The following SMG6 variants were observed in gnomAD, a reference collection of about 807,000 sequenced individuals.
The protein encoded by SMG6 is telomerase-binding protein EST1A.
Under a neutral mutation model 142.2 loss-of-function variants are expected in SMG6, and 66 were observed. The ratio of observed to expected loss-of-function variants is 0.46; its 90% CI spans 0.38 to 0.57. The LOEUF (loss-of-function observed/expected upper bound fraction) is 0.57, where lower values mean the gene tolerates loss of function less well. Ranked by LOEUF, SMG6 falls within the 20% of genes least tolerant of loss-of-function variation. The pLI is 0.00. For missense variants in SMG6, 1,793 were observed against 1,832.0 expected (o/e 0.98, Z 0.39); for synonymous variants, 779 against 702.4 (o/e 1.11, Z -1.72).
Position 2,291,075 on chromosome 17 carries a change from T to C in SMG6, c.2337+1477A>G, listed in dbSNP as rs550052665. On this transcript the variant is annotated intron_variant, in intron 6 of 18. Transcript: ENST00000263073. The stretch of plus-strand genomic sequence containing the variant: ...GGCCAGGTGCGGTGGCTCACGCCTG[T>C]AATCCCAGCACTTTGGGAGGCCGAG... Among the ~76,000 whole-genome samples, 432 of 152,312 alleles carry C rather than the reference T, an allele frequency of 2.8e-3. 4 individuals carry two copies. Among genetic ancestry groups the C allele is most frequent in the African/African-American group, 9.7e-3 (405 of 41,576 alleles).
intron 8 of SMG6, among the ~76,000 whole-genome samples, chr17:2,279,473 A>G (rs2074735366): frequency 6.6e-6 from 1 of 152,218 alleles, no homozygotes; most frequent in Non-Finnish European, 1.5e-5. Context: ...TCAGAAATGG[A>G]TATTTGGAAG....
chr17:2,108,345 A>G (rs1477637152), intron 13 of SMG6, among the ~76,000 whole-genome samples: 2 of 152,206 alleles, frequency 1.3e-5, no homozygotes, highest in Non-Finnish European at 2.9e-5. Context: ...TGCCAGGCGC[A>G]GTGACTCACG....
In SMG6 at chr17:2,061,239, T is replaced by C; in HGVS notation, c.*253A>G. ...GCCTATCTGGCTTGCCCAGCTGCTG[T>C]TGCTGTAGCCAGCCACCTCCCTGCT... On this transcript the variant is annotated 3_prime_UTR_variant, in exon 19 of 19. Coordinates refer to ENST00000263073, the MANE Select transcript of SMG6 (RefSeq NM_017575.5). The C allele has an allele frequency of 2.3e-6, 1 of 431,100 alleles. No individual in the cohort carries two copies. Among genetic ancestry groups the C allele is most frequent in the Admixed American group, 3.7e-5 (1 of 26,940 alleles). 26.7% of individuals were successfully genotyped at this position (431,100 alleles called of 1,614,324 possible). A position where few individuals can be genotyped will look rare whatever the true frequency, so the allele number is the denominator to read the frequency against.
intron 9 of SMG6, chr17:2,237,010 C>A (rs1375024110): frequency 5.3e-6 from 1 of 188,306 alleles, no homozygotes; most frequent in African/African-American, 2.4e-5. Context: ...TTTCCTGAAA[C>A]CTTCACAGTC....
At chr17:2,269,398 AAAAG>A (rs2074498446) in intron 8 of SMG6, among the ~76,000 whole-genome samples, 3 of 151,908 alleles carry the variant, frequency 2.0e-5, no homozygotes, top group Admixed American at 2.0e-4. Context: ...TCCCAAAAAA[AAAAG>A]AAAGAAAAGA....
intron 13 of SMG6, among the ~76,000 whole-genome samples, chr17:2,096,199 T>G (rs1455791287): frequency 6.6e-6 from 1 of 152,168 alleles, no homozygotes; most frequent in Admixed American, 6.5e-5. Flanking sequence ...ACACCACTTA[T>G]GTCTGGCAAA....
At chr17:2,171,785 A>C (rs2071511234) in intron 13 of SMG6, among the ~76,000 whole-genome samples, 1 of 147,388 alleles carries the variant, frequency 6.8e-6, no homozygotes, top group African/African-American at 2.5e-5. Flanking sequence ...TACTTCATGT[A>C]GGTCAAAAGA....
chr17:2,070,039 G>A (rs1391943391), intron 15 of SMG6, among the ~76,000 whole-genome samples: 3 of 152,184 alleles, frequency 2.0e-5, no homozygotes, highest in Non-Finnish European at 4.4e-5. Context: ...AATAAAAGCA[G>A]AAGAGTCTCC....
At chr17:2,255,352 C>G (rs1298564381) in intron 8 of SMG6, among the ~76,000 whole-genome samples, 4 of 130,804 alleles carry the variant, frequency 3.1e-5, no homozygotes, top group Non-Finnish European at 4.7e-5. Flanking sequence ...TGCAGTGAGC[C>G]GAGATCGCGC....
In SMG6 at chr17:2,126,897, CGCACACACAT is replaced by C. The variant is rs776089139; in HGVS notation, c.3358-41006_3358-40997del. Among the ~76,000 whole-genome samples, 47 of 124,416 alleles carry C rather than the reference CGCACACACAT, an allele frequency of 3.8e-4. No individual in the cohort carries two copies. In the South Asian group the frequency reaches 0.011, roughly 28 times the overall value. The allele number at this position is 124,416 out of a possible 152,430, so 81.6% of individuals were successfully genotyped here. ...GGGAGACCCTATTTCTACACACACACGCACACACATGCACACAGACACAAACATACATGCA... is the reference window on the plus strand; with the variant it reads ...GGGAGACCCTATTTCTACACACACACGCACACAGACACAAACATACATGCA... On this transcript the variant is annotated intron_variant, in intron 13 of 18. Transcript: ENST00000263073.
chr17:2,073,107 G>A (rs781756993), intron 15 of SMG6, among the ~76,000 whole-genome samples: 9 of 152,052 alleles, frequency 5.9e-5, no homozygotes, highest in East Asian at 3.9e-4. Context: ...TGTTTGAGAC[G>A]GAGTCTTGCT....
intron 13 of SMG6, among the ~76,000 whole-genome samples, chr17:2,163,251 A>C (rs2071236564): frequency 6.6e-6 from 1 of 152,056 alleles, no homozygotes; most frequent in Non-Finnish European, 1.5e-5. Flanking sequence ...CAGTGGTATG[A>C]TCACAGCTCA....
intron 10 of SMG6, among the ~76,000 whole-genome samples, chr17:2,216,749 GT>G (rs2073031989): frequency 1.3e-5 from 2 of 152,084 alleles, no homozygotes; most frequent in Admixed American, 1.3e-4. Context: ...ATAGTCTCTT[GT>G]CCCCATGGAG....
At chr17:2,087,351 A>G (rs2068591954) in intron 13 of SMG6, 2 of 1,205,052 alleles carry the variant, frequency 1.7e-6, no homozygotes, top group East Asian at 5.8e-5. Flanking sequence ...TGCCCAGGAA[A>G]GTGCGGCACA....
rs2067999238 is a variant in SMG6 at position 2,068,050 on chromosome 17, G to A, written c.3835+728C>T. On this transcript the variant is annotated intron_variant, in intron 16 of 18. Coordinates refer to ENST00000263073, the MANE Select transcript of SMG6 (RefSeq NM_017575.5). This position sits in a 1 kb window ranked among gnomAD's most constrained non-coding sequence, Gnocchi z 6.7. Reference sequence around the variant, plus strand: ...GCCATCAGCTAGATATGAGCCCAGAGCCCAGAGCCCACCCTGAGGCTGACC... The same window carrying A: ...GCCATCAGCTAGATATGAGCCCAGAACCCAGAGCCCACCCTGAGGCTGACC... Among the ~76,000 whole-genome samples, 1 of 152,178 alleles carries A rather than the reference G, an allele frequency of 6.6e-6. No homozygotes were observed. The highest frequency in any genetic ancestry group is 1.5e-5 in the Non-Finnish European group (1 of 68,042).
At chr17:2,087,052 G>A in intron 13 of SMG6, 1 of 1,290,428 alleles carries the variant, frequency 7.7e-7, no homozygotes, top group Non-Finnish European at 1.0e-6. Context: ...CCTTCTATCT[G>A]CAGCACATAG....
chr17:2,195,559 T>G (rs2072298673), intron 10 of SMG6, among the ~76,000 whole-genome samples: 1 of 151,916 alleles, frequency 6.6e-6, no homozygotes, highest in Admixed American at 6.6e-5. Context: ...CATAGAGAGG[T>G]TCAAGAAACA....
intron 2 of SMG6, among the ~76,000 whole-genome samples, 154 bp from the exon 3 acceptor site, chr17:2,298,209 A>T (rs909040511): frequency 1.3e-5 from 2 of 152,352 alleles, no homozygotes; most frequent in Non-Finnish European, 2.9e-5. Context: ...TCCATTCTGC[A>T]GAGCAGAATG....
chr17:2,140,006 G>T (rs902714169), intron 13 of SMG6, among the ~76,000 whole-genome samples: 1 of 151,850 alleles, frequency 6.6e-6, no homozygotes, highest in East Asian at 1.9e-4. Context: ...GATTACAGGC[G>T]TGAGCCACCA....
Sources: allele counts gnomAD v4.1 joint callset (sites outside exome capture counted in the v4.1 genomes callset), GRCh38; gene constraint gnomAD v4.1.1; non-coding constraint Gnocchi (gnomAD v3.1); transcripts MANE v1.5; gene names NCBI Gene and HGNC (gene_info 2026-07-23, HGNC 2026-07-21).